MINDY2: variants seen among roughly 807,000 people sequenced by gnomAD.
MINDY2 encodes ubiquitin carboxyl-terminal hydrolase MINDY-2.
Under a neutral mutation model 68.2 loss-of-function variants are expected in MINDY2, and 52 were observed. The observed-to-expected ratio is 0.76, with a 90% CI of 0.61 to 0.96. The LOEUF is 0.96. Ranked by LOEUF, MINDY2 falls within the 40% of genes least tolerant of loss-of-function variation. MINDY2 has a pLI of 0.00. For missense variants in MINDY2, 881 were observed against 773.4 expected (o/e 1.14, Z -1.65); for synonymous variants, 372 against 303.0 (o/e 1.23, Z -2.36).
intron 2 of MINDY2, among the ~76,000 whole-genome samples, chr15:58,798,234 A>C (rs1902409659): frequency 6.6e-6 from 1 of 151,778 alleles, no homozygotes; most frequent in Admixed American, 6.6e-5. Flanking sequence ...CTCCTGCCTC[A>C]GCTACCCGAG....
At chr15:58,791,932 G>A (rs545024421) in intron 2 of MINDY2, among the ~76,000 whole-genome samples, 39 of 152,112 alleles carry the variant, frequency 2.6e-4, no homozygotes, top group African/African-American at 9.2e-4. Flanking sequence ...GAGCCGGCAC[G>A]GTCAGCCAGG....
At chr15:58,797,670 ATT>A (rs1487316980) in intron 2 of MINDY2, among the ~76,000 whole-genome samples, 3 of 152,154 alleles carry the variant, frequency 2.0e-5, no homozygotes, top group Non-Finnish European at 4.4e-5. Flanking sequence ...TCTTATCTTC[ATT>A]CTGGCTCTAC....
chr15:58,804,797 C>T (rs1196829734), intron 3 of MINDY2, among the ~76,000 whole-genome samples: 1 of 151,182 alleles, frequency 6.6e-6, no homozygotes, highest in Middle Eastern at 3.2e-3. Context: ...CAGAGTGAGA[C>T]CCTGTTACAA....
chr15:58,771,327 T>G lies in MINDY2; in HGVS notation c.-69T>G. 6.5e-7 allele frequency: 1 copy of G among 1,542,126 alleles called. No homozygotes were observed. Among genetic ancestry groups the G allele is most frequent in the South Asian group, 1.2e-5 (1 of 83,856 alleles). ...GCTGTTGCTGCCAATACAGCTGTCA[T>G]GGCGTCCAAGGCGCTGGCTGCGGAG... is the stretch of plus-strand genomic sequence containing the variant. On this transcript the variant is annotated 5_prime_UTR_variant, in exon 1 of 9. An upstream start codon of the reference 5' UTR is lost. Transcript: ENST00000559228.
intron 5 of MINDY2, among the ~76,000 whole-genome samples, chr15:58,829,529 C>G (rs968646672): frequency 9.9e-5 from 15 of 152,170 alleles, no homozygotes; most frequent in African/African-American, 3.6e-4. Flanking sequence ...GGATTTCACA[C>G]TAACATGAAA....
chr15:58,787,851 A>G, intron 1 of MINDY2, 55 bp from the exon 2 acceptor site: 1 of 1,222,082 alleles, frequency 8.2e-7, no homozygotes, highest in Non-Finnish European at 1.2e-6. Context: ...ACTGCAAGAA[A>G]TACTTTAGTC....
chr15:58,854,488 C>G lies in MINDY2; in HGVS notation c.1744C>G (p.Gln582Glu), dbSNP rs1432303601. 6.2e-7 allele frequency: 1 copy of G among 1,610,430 alleles called. No individual in the cohort carries two copies. Among genetic ancestry groups the G allele is most frequent in the South Asian group, 1.1e-5 (1 of 90,274 alleles). Residue 582 changes from glutamine (Q) to glutamate (E), a missense_variant, in exon 9 of 9, where the codon CAG becomes GAG. By Grantham distance (29) the Gln-to-Glu change is conservative. Coordinates refer to ENST00000559228, the MANE Select transcript of MINDY2 (RefSeq NM_001040450.3). ...CTGTATATTTTTCTTAAAGCAGGGC[C>G]AGCCAGCACAAGCCTCTCCATCAAG... ...AAASTQAQQGQPAQASPSSGR... is the reference protein window; with the variant it reads ...AAASTQAQQGEPAQASPSSGR...
rs763323920 is a variant in MINDY2, at chr15:58,802,294, TC to T, written c.899-18del. Reference sequence around the variant, plus strand: ...AGTTTTTAAAAGGCAATTTTACAATTCTTTTTTTTTTTTTACAGGAGATTAC... The same window carrying T: ...AGTTTTTAAAAGGCAATTTTACAATTTTTTTTTTTTTTTACAGGAGATTAC... On this transcript the variant is annotated intron_variant, in intron 2 of 8. Transcript: ENST00000559228. 525 of 1,473,580 alleles carry T rather than the reference TC, an allele frequency of 3.6e-4. No individual in the cohort carries two copies. Among genetic ancestry groups the T allele is most frequent in the South Asian group, 9.0e-4 (71 of 78,982 alleles). 91.3% of individuals were successfully genotyped at this position (1,473,580 alleles called of 1,614,324 possible). A position where few individuals can be genotyped will look rare whatever the true frequency, so the allele number is the denominator to read the frequency against.
At chr15:58,824,675 T>TC in intron 5 of MINDY2, among the ~76,000 whole-genome samples, 1 of 150,324 alleles carries the variant, frequency 6.7e-6, no homozygotes, top group East Asian at 1.9e-4. Flanking sequence ...TATTATCTTT[T>TC]TTTTTTTTTT....
chr15:58,823,663 CAAAAA>C (rs1312246404), intron 5 of MINDY2, among the ~76,000 whole-genome samples: 1 of 125,042 alleles, frequency 8.0e-6, no homozygotes, highest in Non-Finnish European at 1.6e-5. Flanking sequence ...GAATCTGTCT[CAAAAA>C]CAAAACAAAA....
chr15:58,829,790 C>A (rs1295801403), intron 5 of MINDY2, among the ~76,000 whole-genome samples: 1 of 152,110 alleles, frequency 6.6e-6, no homozygotes, highest in Non-Finnish European at 1.5e-5. Context: ...TAACAAAGTC[C>A]TTGCAATAGT....
Position 58,855,772 on chromosome 15 carries a change from A to G in MINDY2, c.*1162A>G, listed in dbSNP as rs557121218. 1 of 152,196 alleles carries G rather than the reference A, an allele frequency of 6.6e-6. No homozygotes were observed. The highest frequency in any genetic ancestry group is 1.5e-5 in the Non-Finnish European group (1 of 68,058). The allele number at this position is 152,196 out of a possible 1,614,324, so 9.4% of individuals were successfully genotyped here. On this transcript the variant is annotated 3_prime_UTR_variant, in exon 9 of 9. Coordinates refer to ENST00000559228, the MANE Select transcript of MINDY2 (RefSeq NM_001040450.3). Reference sequence around the variant, plus strand: ...CCTGTCTCTACTAAAAATACAAAAAATCAGCCTGGCATGGTGGTGCGTGCC... The same window carrying G: ...CCTGTCTCTACTAAAAATACAAAAAGTCAGCCTGGCATGGTGGTGCGTGCC...
In MINDY2 at chr15:58,790,980, C is replaced by A. The variant is rs1901847506; in HGVS notation, c.898+3017C>A. On this transcript the variant is annotated intron_variant, in intron 2 of 8. Coordinates refer to ENST00000559228, the MANE Select transcript of MINDY2 (RefSeq NM_001040450.3). ...AGATCATGAGGTCAGGAGATCGAGA[C>A]CATACTGGCTAACACGGTGAAACCC... is the stretch of plus-strand genomic sequence containing the variant. 5.9e-5 allele frequency among the ~76,000 whole-genome samples: 9 copies of A among 151,620 alleles called. No homozygotes were observed. In the South Asian group the frequency reaches 1.9e-3, roughly 32 times the overall value.
rs546396482 is a variant in MINDY2 at position 58,777,275 on chromosome 15, A to C, written c.840+5040A>C. On this transcript the variant is annotated intron_variant, in intron 1 of 8. Transcript: ENST00000559228. Reference sequence around the variant, plus strand: ...ACTGACACCTGGGGTATAGGGGCAGAGAATTAGAGAATTGAAAGTGAAAAC... The same window carrying C: ...ACTGACACCTGGGGTATAGGGGCAGCGAATTAGAGAATTGAAAGTGAAAAC... Among the ~76,000 whole-genome samples the C allele has an allele frequency of 5.3e-5, 8 of 152,344 alleles. No homozygotes were observed. In the East Asian group the frequency reaches 1.3e-3, roughly 26 times the overall value.
chr15:58,786,630 A>T (rs1315753282), intron 1 of MINDY2, among the ~76,000 whole-genome samples: 1 of 152,220 alleles, frequency 6.6e-6, no homozygotes, highest in Non-Finnish European at 1.5e-5. Context: ...AGAAAAATAC[A>T]TAAAACAGAT....
chr15:58,838,356 CCACTGCA>C (rs1166892048), intron 6 of MINDY2, among the ~76,000 whole-genome samples: 3 of 151,864 alleles, frequency 2.0e-5, no homozygotes, highest in Admixed American at 6.6e-5. Context: ...CAAGATCATG[CCACTGCA>C]CTCCAGCCTG....
At chr15:58,849,687 T>C (rs1279755715) in intron 7 of MINDY2, among the ~76,000 whole-genome samples, 1 of 152,192 alleles carries the variant, frequency 6.6e-6, no homozygotes, top group African/African-American at 2.4e-5. Flanking sequence ...ATTCTTTATA[T>C]CTTTATATCC....
intron 3 of MINDY2, among the ~76,000 whole-genome samples, chr15:58,802,774 A>C (rs1357591616): frequency 6.6e-6 from 1 of 152,190 alleles, no homozygotes; most frequent in Non-Finnish European, 1.5e-5. Context: ...TGAACAAATG[A>C]TGTATATGGT....
At chr15:58,772,807 T>A (rs1316157474) in intron 1 of MINDY2, among the ~76,000 whole-genome samples, 4 of 152,234 alleles carry the variant, frequency 2.6e-5, no homozygotes, top group East Asian at 3.8e-4. Context: ...TTTCAAAGAT[T>A]GTTTTCATTT....
Sources: gnomAD v4.1 joint callset for allele counts (sites outside exome capture counted in the v4.1 genomes callset) on GRCh38, gnomAD v4.1.1 for gene constraint, MANE v1.5 for transcripts, NCBI Gene and HGNC (gene_info 2026-07-23, HGNC 2026-07-21) for gene names.